Variants in ENPP3 observed in about 807,000 individuals in gnomAD.
ENPP3 encodes the protein ectonucleotide pyrophosphatase/phosphodiesterase 3, also known as ectonucleotide pyrophosphatase/phosphodiesterase family member 3.
Under a neutral mutation model 117.8 loss-of-function variants are expected in ENPP3, and 104 were observed. The observed-to-expected ratio is 0.88, with a 90% CI of 0.75 to 1.04. The LOEUF is 1.04. ENPP3 is among the 50% of genes least tolerant of loss of function. The pLI is 0.00. For synonymous variants in ENPP3, 380 were observed against 349.9 expected (o/e 1.09, Z -0.96); for missense variants, 1,026 against 1,051.9 (o/e 0.98, Z 0.34).
chr6:131,726,830 T>C (rs1203324657), intron 20 of ENPP3, among the ~76,000 whole-genome samples: 2 of 152,216 alleles, frequency 1.3e-5, no homozygotes, highest in Non-Finnish European at 2.9e-5. Context: ...GACAGTCAAC[T>C]ACCCTTCAGG....
At position 131,718,720 on chromosome 6, in the gene ENPP3, T is replaced by C. The variant is rs1213718749; in HGVS notation, c.1461T>C (p.Asn487=). The C allele has an allele frequency of 6.2e-7, 1 of 1,604,496 alleles. No homozygotes were observed. Among genetic ancestry groups the C allele is most frequent in the Non-Finnish European group, 8.5e-7 (1 of 1,173,948 alleles). Residue 487 remains asparagine, a synonymous_variant, in exon 16 of 25, where the codon AAT becomes AAC. Coordinates refer to ENST00000357639, the MANE Select transcript of ENPP3 (RefSeq NM_005021.5). ...NCGGGNHGYN[N]EFRSMEAIFL... is the part of the protein sequence containing the mutation. ...GAGGAGGCAACCATGGTTATAACAATGAGTTTAGGAGCATGGAGGTAACTT... is the reference window on the plus strand; with the variant it reads ...GAGGAGGCAACCATGGTTATAACAACGAGTTTAGGAGCATGGAGGTAACTT...
chr6:131,701,506 T>A (rs1779530076), intron 15 of ENPP3: 1 of 584,530 alleles, frequency 1.7e-6, no homozygotes, highest in South Asian at 2.1e-5. Context: ...AGTAGAAAAG[T>A]GTTCAGACAG....
At chr6:131,666,763 T>G (rs1259659349) in intron 6 of ENPP3, among the ~76,000 whole-genome samples, 1 of 152,246 alleles carries the variant, frequency 6.6e-6, no homozygotes, top group Non-Finnish European at 1.5e-5. Context: ...TGAACATATT[T>G]CCCCATTTAC....
intron 14 of ENPP3, among the ~76,000 whole-genome samples, chr6:131,693,009 AAT>A (rs1434110086): frequency 1.4e-5 from 2 of 139,746 alleles, no homozygotes; most frequent in African/African-American, 5.3e-5. Context: ...AGTTATATAT[AAT>A]ATATATGGTT....
intron 15 of ENPP3, among the ~76,000 whole-genome samples, chr6:131,702,887 TCCAAG>T (rs571301645): frequency 0.035 from 4,824 of 136,880 alleles, 117 homozygotes; most frequent in Non-Finnish European, 0.054. Flanking sequence ...CTACCACCAT[TCCAAG>T]GATAAGTATT....
At chr6:131,668,415 A>G (rs1778668613) in intron 6 of ENPP3, among the ~76,000 whole-genome samples, 3 of 151,826 alleles carry the variant, frequency 2.0e-5, no homozygotes, top group Non-Finnish European at 1.5e-5. Context: ...GGGTTTCACC[A>G]TGTTGGCCAG....
At chr6:131,662,868 C>A (rs911169253) in intron 6 of ENPP3, among the ~76,000 whole-genome samples, 7 of 151,920 alleles carry the variant, frequency 4.6e-5, no homozygotes, top group Non-Finnish European at 8.8e-5. Flanking sequence ...ACTTCTTTTC[C>A]CAATATTTTA....
rs879555779 is a variant in ENPP3 at position 131,746,089 on chromosome 6, CA to C, written c.2458-684del. Reference sequence around the variant, plus strand: ...AGCCTGGGTGACAGAGTGACAATGTCAAAAAAAAAAAAATTTGAATGTACTC... The same window carrying C: ...AGCCTGGGTGACAGAGTGACAATGTCAAAAAAAAAAAATTTGAATGTACTC... On this transcript the variant is annotated intron_variant, in intron 24 of 24. Transcript: ENST00000357639. Among the ~76,000 whole-genome samples, 373 of 136,804 alleles carry C rather than the reference CA, an allele frequency of 2.7e-3. 2 individuals carry two copies. Among genetic ancestry groups the C allele is most frequent in the African/African-American group, 5.2e-3 (195 of 37,340 alleles). 89.7% of individuals were successfully genotyped at this position (136,804 alleles called of 152,430 possible). A position where few individuals can be genotyped will look rare whatever the true frequency, so the allele number is the denominator to read the frequency against.
At position 131,652,842 on chromosome 6, in the gene ENPP3, T is replaced by C; in HGVS notation, c.415T>C (p.Trp139Arg). ...YKSVCQGETS[W>R]LEENCDTAQQ... is the part of the protein sequence containing the mutation. ...CTTATGCTTTTCAGGAGAAACCTCA[T>C]GGCTGGAAGAAAACTGTGACACAGC... The change falls in exon 5 of 25, where the codon TGG (tryptophan) becomes CGG (arginine). Residue 139 changes from tryptophan (W) to arginine (R), a missense_variant. Physicochemically the swap from Trp to Arg is moderately radical, Grantham distance 101. Coordinates refer to ENST00000357639, the MANE Select transcript of ENPP3 (RefSeq NM_005021.5). 1.2e-6 allele frequency: 2 copies of C among 1,613,498 alleles called. No individual in the cohort carries two copies. The highest frequency in any genetic ancestry group is 1.7e-6 in the Non-Finnish European group (2 of 1,179,462).
chr6:131,656,032 G>A (rs773147718), intron 5 of ENPP3, among the ~76,000 whole-genome samples: 1 of 152,248 alleles, frequency 6.6e-6, no homozygotes, highest in Admixed American at 6.5e-5. Flanking sequence ...AAATCCTCTT[G>A]CCAGACATTT....
chr6:131,668,663 TA>T (rs1168078605), intron 6 of ENPP3, among the ~76,000 whole-genome samples: 1 of 152,236 alleles, frequency 6.6e-6, no homozygotes, highest in Non-Finnish European at 1.5e-5. Context: ...TTTAGTACTT[TA>T]TTTTTTTAAT....
In ENPP3 at chr6:131,747,074, A is replaced by C; in HGVS notation, c.*118A>C. On this transcript the variant is annotated 3_prime_UTR_variant, in exon 25 of 25. Coordinates refer to ENST00000357639, the MANE Select transcript of ENPP3 (RefSeq NM_005021.5). ...TTTCTATTTTTCCTTAAGTCCCCTA[A>C]AAGCCATAATTTTTATTATTCCTTT... 2.0e-6 allele frequency: 1 copy of C among 504,954 alleles called. No homozygotes were observed. The highest frequency in any genetic ancestry group is 3.4e-6 in the Non-Finnish European group (1 of 294,974). 31.3% of individuals were successfully genotyped at this position (504,954 alleles called of 1,614,324 possible). A position where few individuals can be genotyped will look rare whatever the true frequency, so the allele number is the denominator to read the frequency against.
rs753625956 is a variant in ENPP3, at chr6:131,701,442, A to G, written c.1412+7818A>G. ...GAAATCAAGTTAATGCTCATGGTTT[A>G]GGAGAAGTGTTTAAAAACAGATTCA... On this transcript the variant is annotated intron_variant, in intron 15 of 24. Transcript: ENST00000357639. 1.5e-5 allele frequency: 20 copies of G among 1,360,588 alleles called. No individual in the cohort carries two copies. The African/African-American group carries it at 2.3e-4, about 16-fold the overall frequency. 84.3% of individuals were successfully genotyped at this position (1,360,588 alleles called of 1,614,324 possible).
chr6:131,744,171 T>C (rs769465694), intron 24 of ENPP3, among the ~76,000 whole-genome samples: 1 of 152,250 alleles, frequency 6.6e-6, no homozygotes, highest in African/African-American at 2.4e-5. Context: ...TGTAAGGAAT[T>C]AGATCATATT....
At chr6:131,640,327 G>A (rs1329204149) in intron 1 of ENPP3, among the ~76,000 whole-genome samples, 1 of 152,124 alleles carries the variant, frequency 6.6e-6, no homozygotes, top group Admixed American at 6.5e-5. Context: ...AACTGCTAAT[G>A]GTGTTATTTA....
At chr6:131,669,630 T>A (rs1394341057) in intron 6 of ENPP3, among the ~76,000 whole-genome samples, 10 of 123,532 alleles carry the variant, frequency 8.1e-5, no homozygotes, top group Non-Finnish European at 1.1e-4. Context: ...CACTCTAGCC[T>A]GGGTGACAGA....
At chr6:131,746,418 G>T (rs1400588884) in intron 24 of ENPP3, among the ~76,000 whole-genome samples, 1 of 151,968 alleles carries the variant, frequency 6.6e-6, no homozygotes, top group African/African-American at 2.4e-5. Context: ...ACTACATATT[G>T]TATAGTGATG....
rs189522637 is a variant in ENPP3, at chr6:131,684,299, T to G, written c.1121-1065T>G. Reference sequence around the variant, plus strand: ...TAATGTATTTTTAAAATTTCTAAGGTAGTTCTCTAACACTTTGCCTTATTG... The same window carrying G: ...TAATGTATTTTTAAAATTTCTAAGGGAGTTCTCTAACACTTTGCCTTATTG... On this transcript the variant is annotated intron_variant, in intron 12 of 24. Coordinates refer to ENST00000357639, the MANE Select transcript of ENPP3 (RefSeq NM_005021.5). Among the ~76,000 whole-genome samples, 24 of 152,340 alleles carry G rather than the reference T, an allele frequency of 1.6e-4. No homozygotes were observed. In the East Asian group the frequency reaches 4.4e-3, roughly 28 times the overall value.
At chr6:131,666,078 G>A (rs1778610668) in intron 6 of ENPP3, among the ~76,000 whole-genome samples, 1 of 151,958 alleles carries the variant, frequency 6.6e-6, no homozygotes. Flanking sequence ...TACTTGGTAT[G>A]ATCCCAATTT....
Sources: gnomAD v4.1 joint callset for allele counts (sites outside exome capture counted in the v4.1 genomes callset) on GRCh38, gnomAD v4.1.1 for gene constraint, MANE v1.5 for transcripts, NCBI Gene and HGNC (gene_info 2026-07-23, HGNC 2026-07-21) for gene names.